The following XRN2 variants were observed in gnomAD, a reference collection of about 807,000 sequenced individuals.
XRN2 encodes 5'-3' exoribonuclease 2, also known as DHM1-like protein.
Under a neutral mutation model 138.5 loss-of-function variants are expected in XRN2, and 44 were observed. The ratio of observed to expected loss-of-function variants is 0.32; its 90% CI spans 0.25 to 0.41. The LOEUF (loss-of-function observed/expected upper bound fraction) is 0.41. Ranked by LOEUF, XRN2 falls within the 10% of genes least tolerant of loss-of-function variation. XRN2 has a pLI of 1.00. For synonymous variants in XRN2, 354 were observed against 369.4 expected (o/e 0.96, Z 0.48); for missense variants, 937 against 1,169.3 (o/e 0.80, Z 2.90).
intron 3 of XRN2, 59 bp from the exon 4 acceptor site, chr20:21,328,500 G>A (rs2038159409): frequency 1.4e-6 from 2 of 1,478,896 alleles, no homozygotes; most frequent in Non-Finnish European, 1.9e-6. Flanking sequence ...TCAAAATAAG[G>A]TACAGATTTA....
intron 8 of XRN2, 62 bp downstream of exon 8, chr20:21,331,880 T>A: frequency 6.4e-7 from 1 of 1,556,760 alleles, no homozygotes; most frequent in South Asian, 1.2e-5. Context: ...GATGGGTTGG[T>A]GTGCAGTAAT....
chr20:21,363,708 C>A (rs897537240), intron 24 of XRN2, among the ~76,000 whole-genome samples: 47 of 152,136 alleles, frequency 3.1e-4, no homozygotes, highest in African/African-American at 9.4e-4. Flanking sequence ...TGGCAGTATT[C>A]AGAAAGAAAA....
intron 1 of XRN2, among the ~76,000 whole-genome samples, chr20:21,305,204 CTATCA>C (rs776266431): frequency 6.6e-5 from 10 of 152,122 alleles, no homozygotes; most frequent in Non-Finnish European, 1.5e-4. Context: ...ATTATTATTG[CTATCA>C]TATCTTTCTT....
chr20:21,351,328 A>G (rs924329077), intron 20 of XRN2, among the ~76,000 whole-genome samples: 5 of 152,104 alleles, frequency 3.3e-5, no homozygotes, highest in Non-Finnish European at 7.4e-5. Context: ...TGTGGTGGCG[A>G]TTTGCATTTT....
At chr20:21,382,255 T>TA (rs2038894050) in intron 28 of XRN2, among the ~76,000 whole-genome samples, 198 bp downstream of exon 28, 3 of 152,244 alleles carry the variant, frequency 2.0e-5, no homozygotes, top group Admixed American at 1.3e-4. Flanking sequence ...TATACTTTCT[T>TA]ACTTTTCTTG....
Position 21,307,471 on chromosome 20 carries a change from G to A in XRN2, c.75+3998G>A, listed in dbSNP as rs940380809. On this transcript the variant is annotated intron_variant, in intron 1 of 29. Transcript: ENST00000377191. ...CTTGAAACCTCCCCCAACCTTTGGT[G>A]TTTTTGCAGCTTTGTTGAGGTATAC... is the stretch of plus-strand genomic sequence containing the variant. Among the ~76,000 whole-genome samples, 4 of 76,290 alleles carry A rather than the reference G, an allele frequency of 5.2e-5. 2 individuals carry two copies. The highest frequency in any genetic ancestry group is 3.2e-4 in the Admixed American group (2 of 6,332). The allele number at this position is 76,290 out of a possible 152,430, so 50.0% of individuals were successfully genotyped here.
intron 28 of XRN2, among the ~76,000 whole-genome samples, chr20:21,385,693 AAGGG>A (rs1269291747): frequency 6.6e-6 from 1 of 152,174 alleles, no homozygotes; most frequent in Non-Finnish European, 1.5e-5. Flanking sequence ...GCTCCAAGTG[AAGGG>A]AGGAGAGTGG....
chr20:21,365,402 GT>G lies in XRN2; in HGVS notation c.2256-16del. On this transcript the variant is annotated intron_variant, in intron 24 of 29. Coordinates refer to ENST00000377191, the MANE Select transcript of XRN2 (RefSeq NM_012255.5). ...GCTGATATAATCAGATCATTGAATT[GT>G]TTCTTGTTCTTTTCCAGTATTAATT... 6.2e-7 allele frequency: 1 copy of G among 1,609,146 alleles called. No individual in the cohort carries two copies. The highest frequency in any genetic ancestry group is 8.5e-7 in the Non-Finnish European group (1 of 1,177,342).
intron 27 of XRN2, among the ~76,000 whole-genome samples, chr20:21,374,520 G>A (rs1443206942): frequency 1.3e-5 from 2 of 152,050 alleles, no homozygotes; most frequent in Admixed American, 1.3e-4. Flanking sequence ...AGTGGGTATT[G>A]AATTTTATCA....
intron 9 of XRN2, among the ~76,000 whole-genome samples, chr20:21,333,187 T>C (rs2038238456): frequency 6.6e-6 from 1 of 152,224 alleles, no homozygotes. Flanking sequence ...GGTCATCAGT[T>C]GGCAAACTTC....
chr20:21,371,207 T>G (rs2038757452), intron 27 of XRN2, among the ~76,000 whole-genome samples: 1 of 152,206 alleles, frequency 6.6e-6, no homozygotes, highest in Non-Finnish European at 1.5e-5. Context: ...GTAATGCTAG[T>G]TAAGTTACAC....
chr20:21,367,718 G>C (rs2038719253), intron 26 of XRN2, among the ~76,000 whole-genome samples: 2 of 152,082 alleles, frequency 1.3e-5, no homozygotes, highest in Admixed American at 1.3e-4. Flanking sequence ...AGTTGTTATT[G>C]TCATTGTTTT....
At chr20:21,320,295 G>GTATTTATTTATTTATTTATT (rs1464861300) in intron 1 of XRN2, among the ~76,000 whole-genome samples, 3 of 148,118 alleles carry the variant, frequency 2.0e-5, no homozygotes, top group Admixed American at 6.7e-5. Context: ...ATTTATTTAT[G>GTATTTATTTATTTATTTATT]TATTTATTTA....
intron 16 of XRN2, 129 bp from the exon 17 acceptor site, chr20:21,346,286 G>C: frequency 2.5e-6 from 3 of 1,202,756 alleles, no homozygotes; most frequent in Middle Eastern, 4.1e-4. Context: ...ATCTGTGTTA[G>C]CATGACTGTT....
chr20:21,323,865 G>A (rs1330550972), intron 1 of XRN2, among the ~76,000 whole-genome samples: 1 of 152,194 alleles, frequency 6.6e-6, no homozygotes, highest in Non-Finnish European at 1.5e-5. Flanking sequence ...CATTCATGTT[G>A]TGTTGTTTAT....
At chr20:21,386,826 A>G (rs190432154) in intron 28 of XRN2, 42 bp from the exon 29 acceptor site, 3 of 1,593,244 alleles carry the variant, frequency 1.9e-6, no homozygotes, top group Non-Finnish European at 1.7e-6. Flanking sequence ...TGTGCTGTAT[A>G]ATAGGTGTGG....
intron 4 of XRN2, among the ~76,000 whole-genome samples, chr20:21,329,143 C>T (rs1194611423): frequency 6.6e-6 from 1 of 152,116 alleles, no homozygotes; most frequent in Non-Finnish European, 1.5e-5. Flanking sequence ...AGGCTGTTGC[C>T]AAGTCATTTG....
chr20:21,367,212 G>A (rs543232706), intron 26 of XRN2, among the ~76,000 whole-genome samples: 14 of 152,186 alleles, frequency 9.2e-5, no homozygotes, highest in Admixed American at 6.5e-4. Context: ...TTAGTTAACT[G>A]AATTGTCTTT....
In XRN2 at chr20:21,303,416, C is replaced by T. The variant is rs2037765952; in HGVS notation, c.18C>T (p.Phe6=). Residue 6 remains phenylalanine (F), a synonymous_variant, in exon 1 of 30, where the codon TTC becomes TTT. Transcript: ENST00000377191. ...GTGCCGCTATGGGAGTCCCGGCGTT[C>T]TTCCGCTGGCTCAGCCGCAAGTACC... is the stretch of plus-strand genomic sequence containing the variant. MGVPA[F]FRWLSRKYPS... is the part of the protein sequence containing the mutation. 3.2e-6 allele frequency: 5 copies of T among 1,548,952 alleles called. No homozygotes were observed. Among genetic ancestry groups the T allele is most frequent in the Non-Finnish European group, 4.4e-6 (5 of 1,146,142 alleles).
Sources: gnomAD v4.1 joint callset for allele counts (sites outside exome capture counted in the v4.1 genomes callset) on GRCh38, gnomAD v4.1.1 for gene constraint, MANE v1.5 for transcripts, NCBI Gene and HGNC (gene_info 2026-07-23, HGNC 2026-07-21) for gene names.